Variants in HCN1 observed in about 807,000 individuals in gnomAD.
HCN1 encodes the protein potassium/sodium hyperpolarization-activated cyclic nucleotide-gated channel 1.
Under a neutral mutation model 78.9 loss-of-function variants are expected in HCN1, and 13 were observed. That is an observed-to-expected ratio of 0.16 (90% CI 0.11 to 0.26). The LOEUF is 0.26. Ranked by LOEUF, HCN1 falls within the 10% of genes least tolerant of loss-of-function variation. The pLI is 1.00. For missense variants in HCN1, 810 were observed against 1,154.3 expected (o/e 0.70, Z 4.32); for synonymous variants, 552 against 455.5 (o/e 1.21, Z -2.70).
intron 5 of HCN1, among the ~76,000 whole-genome samples, chr5:45,350,573 G>A (rs1201668561): frequency 6.6e-6 from 1 of 151,354 alleles, no homozygotes; most frequent in Non-Finnish European, 1.5e-5. Flanking sequence ...TAGGAAAAGA[G>A]GAAGTCAAAT....
At chr5:45,337,822 G>C (rs1420460937) in intron 5 of HCN1, among the ~76,000 whole-genome samples, 1 of 152,100 alleles carries the variant, frequency 6.6e-6, no homozygotes, top group Non-Finnish European at 1.5e-5. Context: ...GATAACATTT[G>C]TATTGAGATT....
At chr5:45,565,249 T>G (rs1196884170) in intron 2 of HCN1, among the ~76,000 whole-genome samples, 1 of 152,204 alleles carries the variant, frequency 6.6e-6, no homozygotes, top group East Asian at 1.9e-4. Flanking sequence ...TTTTTCTATC[T>G]GCAGAAACCA....
intron 4 of HCN1, among the ~76,000 whole-genome samples, chr5:45,379,504 T>C (rs1193539946): frequency 6.6e-6 from 1 of 152,124 alleles, no homozygotes; most frequent in Non-Finnish European, 1.5e-5. Flanking sequence ...GCCTGGGTAA[T>C]GTCCAATCTG....
At chr5:45,373,915 G>A (rs1464530014) in intron 4 of HCN1, among the ~76,000 whole-genome samples, 3 of 120,604 alleles carry the variant, frequency 2.5e-5, no homozygotes, top group Non-Finnish European at 5.0e-5. Context: ...ATTACATACG[G>A]TATATACATC....
At chr5:45,605,208 CTTTA>C (rs979457797) in intron 2 of HCN1, among the ~76,000 whole-genome samples, 3 of 151,038 alleles carry the variant, frequency 2.0e-5, no homozygotes, top group African/African-American at 7.3e-5. Context: ...AAATGGGTAC[CTTTA>C]TTTGTGAATC....
At chr5:45,616,908 C>G (rs1409062638) in intron 2 of HCN1, among the ~76,000 whole-genome samples, 1 of 151,926 alleles carries the variant, frequency 6.6e-6, no homozygotes, top group Non-Finnish European at 1.5e-5. Context: ...CTCTACTTAT[C>G]CCGCAAATGT....
chr5:45,618,165 T>G (rs1353239993), intron 2 of HCN1, among the ~76,000 whole-genome samples: 1 of 152,014 alleles, frequency 6.6e-6, no homozygotes, highest in Non-Finnish European at 1.5e-5. Context: ...GTGACATAAG[T>G]GCAGGAAGCC....
In HCN1 at chr5:45,455,820, C is replaced by T. The variant is rs948378791; in HGVS notation, c.1011+6026G>A. Among the ~76,000 whole-genome samples, 4 of 147,092 alleles carry T rather than the reference C, an allele frequency of 2.7e-5. No homozygotes were observed. In the East Asian group the frequency reaches 8.0e-4, roughly 29 times the overall value. On this transcript the variant is annotated intron_variant, in intron 3 of 7. Coordinates refer to ENST00000303230, the MANE Select transcript of HCN1 (RefSeq NM_021072.4). ...TTATAGCAGCTTTTCAATGCTTATA[C>T]CTATAAGTGAAATATACTGCTATTC... is the stretch of plus-strand genomic sequence containing the variant.
At chr5:45,267,450 T>C (rs1744880583) in intron 6 of HCN1, among the ~76,000 whole-genome samples, 197 bp from the exon 7 acceptor site, 1 of 150,746 alleles carries the variant, frequency 6.6e-6, no homozygotes, top group Admixed American at 6.6e-5. Context: ...TGTTTTTTTG[T>C]TTTGTTTTGT....
intron 3 of HCN1, among the ~76,000 whole-genome samples, chr5:45,432,829 A>G (rs1029862433): frequency 1.3e-5 from 2 of 152,114 alleles, no homozygotes; most frequent in African/African-American, 2.4e-5. Flanking sequence ...GAGACTGGGT[A>G]ATTTATAAAG....
At chr5:45,386,111 T>G (rs1018916696) in intron 4 of HCN1, among the ~76,000 whole-genome samples, 1 of 152,196 alleles carries the variant, frequency 6.6e-6, no homozygotes, top group Non-Finnish European at 1.5e-5. Context: ...GTGGGGACAT[T>G]TCAGTTGCTG....
chr5:45,611,272 T>C (rs1406979395), intron 2 of HCN1, among the ~76,000 whole-genome samples: 2 of 140,714 alleles, frequency 1.4e-5, no homozygotes, highest in Non-Finnish European at 3.1e-5. Context: ...TCTTTTTCTT[T>C]TTTTTTTTTT....
Position 45,515,658 on chromosome 5 carries a change from G to A in HCN1, c.850-53651C>T, listed in dbSNP as rs537890608. Among the ~76,000 whole-genome samples, 201 of 152,004 alleles carry A rather than the reference G, an allele frequency of 1.3e-3. 1 individual carries two copies. The highest frequency in any genetic ancestry group is 4.6e-3 in the African/African-American group (190 of 41,522). The stretch of plus-strand genomic sequence containing the variant: ...TCCTGCAATGATACCATAAGAAAAT[G>A]AGGCTACAATTCTACTAACGTCCCA... On this transcript the variant is annotated intron_variant, in intron 2 of 7. Transcript: ENST00000303230.
At chr5:45,421,330 G>A (rs554160048) in intron 3 of HCN1, among the ~76,000 whole-genome samples, 1 of 152,272 alleles carries the variant, frequency 6.6e-6, no homozygotes, top group African/African-American at 2.4e-5. Context: ...CCAAAGTGCT[G>A]GGATTACAGG....
At chr5:45,420,453 G>A (rs1740204230) in intron 3 of HCN1, among the ~76,000 whole-genome samples, 1 of 152,088 alleles carries the variant, frequency 6.6e-6, no homozygotes, top group Admixed American at 6.6e-5. Context: ...GCTGTCTCAG[G>A]GGAATGTGTG....
At chr5:45,633,632 C>T (rs1315858354) in intron 2 of HCN1, among the ~76,000 whole-genome samples, 1 of 151,944 alleles carries the variant, frequency 6.6e-6, no homozygotes, top group Non-Finnish European at 1.5e-5. Flanking sequence ...TACTATTCAT[C>T]TTTATATCAG....
intron 3 of HCN1, among the ~76,000 whole-genome samples, chr5:45,457,248 G>A (rs193219809): frequency 7.9e-5 from 12 of 151,964 alleles, no homozygotes; most frequent in African/African-American, 2.7e-4. Flanking sequence ...GCAAGTTAAC[G>A]TGCATCATTT....
In HCN1 at chr5:45,645,300, G is replaced by A. The variant is rs1561230479; in HGVS notation, c.734C>T (p.Ser245Phe). ...IFLIVEKGMD[S>F]EVYKTARALR... ...TGCCCTGGCTGTCTTGTAAACTTCAGAATCCATTCCTTTTTCTACAATAAG... is the reference window on the plus strand; with the variant it reads ...TGCCCTGGCTGTCTTGTAAACTTCAAAATCCATTCCTTTTTCTACAATAAG... Residue 245 changes from serine (S) to phenylalanine (F), a missense_variant, in exon 2 of 8, where the codon TCT becomes TTT. This residue lies in a region of HCN1 where 104 missense variants were observed against 402.8 expected (regional missense o/e 0.26). Coordinates refer to ENST00000303230, the MANE Select transcript of HCN1 (RefSeq NM_021072.4). 1 of 1,613,516 alleles carries A rather than the reference G, an allele frequency of 6.2e-7. No homozygotes were observed. Among genetic ancestry groups the A allele is most frequent in the African/African-American group, 1.3e-5 (1 of 75,012 alleles).
chr5:45,268,198 A>G (rs376440988), intron 6 of HCN1, among the ~76,000 whole-genome samples: 2 of 152,322 alleles, frequency 1.3e-5, no homozygotes, highest in East Asian at 1.9e-4. Flanking sequence ...TTTAAGGGTA[A>G]TTCCTTACTG....
Sources: gnomAD v4.1 joint callset for allele counts (sites outside exome capture counted in the v4.1 genomes callset) on GRCh38, gnomAD v4.1.1 for gene constraint, gnomAD v4.1.1 regional missense constraint, MANE v1.5 for transcripts, NCBI Gene and HGNC (gene_info 2026-07-23, HGNC 2026-07-21) for gene names.